The following ERC2 variants were observed in gnomAD, a reference collection of about 807,000 sequenced individuals.
The protein encoded by ERC2 is ERC protein 2.
A neutral mutation model predicts 114.8 loss-of-function variants in ERC2; 42 were observed. That is an observed-to-expected ratio of 0.37 (90% confidence interval 0.29 to 0.47). ERC2 has a LOEUF of 0.47. Among genes scored for constraint, ERC2 ranks in the 20% least tolerant of loss-of-function variants. The pLI is 0.99. For synonymous variants in ERC2, 454 were observed against 425.5 expected (o/e 1.07, Z -0.82); for missense variants, 939 against 1,150.7 (o/e 0.82, Z 2.66).
rs548090992 is a variant in ERC2, at chr3:55,694,345, G to A, written c.2847+5033C>T. Among the ~76,000 whole-genome samples, 4 of 152,284 alleles carry A rather than the reference G, an allele frequency of 2.6e-5. No homozygotes were observed. In the East Asian group the frequency reaches 5.8e-4, roughly 22 times the overall value. ...TACTATGGGAGCAGTTCATTCAACAGACATTTACAGAGTACCTCGTAAGGG... is the reference window on the plus strand; with the variant it reads ...TACTATGGGAGCAGTTCATTCAACAAACATTTACAGAGTACCTCGTAAGGG... On this transcript the variant is annotated intron_variant, in intron 16 of 17. Transcript: ENST00000288221.
At chr3:55,894,229 A>G (rs555158114) in intron 13 of ERC2, among the ~76,000 whole-genome samples, 4 of 152,338 alleles carry the variant, frequency 2.6e-5, no homozygotes, top group Non-Finnish European at 4.4e-5. Context: ...AAAGTTATAG[A>G]AATAAACTGG....
At chr3:55,573,468 C>T (rs374655320) in intron 17 of ERC2, among the ~76,000 whole-genome samples, 12 of 152,088 alleles carry the variant, frequency 7.9e-5, no homozygotes, top group African/African-American at 2.2e-4. Context: ...GCAACAGATG[C>T]GAGGGGGGCC....
chr3:56,187,858 C>T (rs1355195806), intron 3 of ERC2, among the ~76,000 whole-genome samples: 1 of 152,074 alleles, frequency 6.6e-6, no homozygotes, highest in Non-Finnish European at 1.5e-5. Flanking sequence ...AAGTGCAGTA[C>T]CAATTAAGAC....
chr3:56,432,000 G>A (rs1287281045), intron 2 of ERC2, among the ~76,000 whole-genome samples: 1 of 152,172 alleles, frequency 6.6e-6, no homozygotes, highest in African/African-American at 2.4e-5. Context: ...CGGTTAAGTG[G>A]AATTATGGAT....
intron 14 of ERC2, among the ~76,000 whole-genome samples, chr3:55,756,939 C>A (rs1318755363): frequency 1.3e-5 from 2 of 152,124 alleles, no homozygotes; most frequent in Non-Finnish European, 2.9e-5. Flanking sequence ...AAAAAGTATA[C>A]CCAAATCCAC....
intron 3 of ERC2, among the ~76,000 whole-genome samples, chr3:56,193,703 G>C (rs2047928973): frequency 6.6e-6 from 1 of 152,032 alleles, no homozygotes; most frequent in Non-Finnish European, 1.5e-5. Context: ...AAACTGATGA[G>C]ACCAGTACTA....
At chr3:56,192,171 G>A (rs907931440) in intron 3 of ERC2, among the ~76,000 whole-genome samples, 9 of 152,094 alleles carry the variant, frequency 5.9e-5, no homozygotes, top group African/African-American at 2.2e-4. Context: ...CATGAATATA[G>A]TTATGTCTCC....
At chr3:55,516,930 GA>G (rs762048860) in intron 17 of ERC2, among the ~76,000 whole-genome samples, 27 of 152,116 alleles carry the variant, frequency 1.8e-4, no homozygotes, top group Non-Finnish European at 3.1e-4. Flanking sequence ...ATGAGGAAAC[GA>G]AAGCTTAGAA....
intron 3 of ERC2, among the ~76,000 whole-genome samples, chr3:56,217,978 A>C (rs575425722): frequency 2.2e-4 from 34 of 152,330 alleles, no homozygotes; most frequent in Admixed American, 5.9e-4. Flanking sequence ...CACCTTATAC[A>C]AAAATTAATT....
chr3:56,096,169 T>C (rs2078052136), intron 6 of ERC2, among the ~76,000 whole-genome samples: 1 of 152,206 alleles, frequency 6.6e-6, no homozygotes, highest in Non-Finnish European at 1.5e-5. Context: ...TAGTGAAAAG[T>C]GACATAATTT....
chr3:55,676,766 G>A (rs1031053434), intron 17 of ERC2, among the ~76,000 whole-genome samples: 3 of 152,226 alleles, frequency 2.0e-5, no homozygotes, highest in South Asian at 2.1e-4. Flanking sequence ...TAAAGCAAAT[G>A]ACAAAAGGGT....
At chr3:55,562,725 G>T (rs566016280) in intron 17 of ERC2, among the ~76,000 whole-genome samples, 6 of 151,606 alleles carry the variant, frequency 4.0e-5, no homozygotes, top group African/African-American at 7.3e-5. Flanking sequence ...CCAGCTGCAC[G>T]GTCTTTTATG....
rs185391121 is a variant in ERC2, at chr3:56,270,717, T to C, written c.1074+25302A>G. Among the ~76,000 whole-genome samples the C allele has an allele frequency of 3.0e-4, 45 of 152,350 alleles. No homozygotes were observed. The East Asian group carries it at 3.5e-3, about 12-fold the overall frequency. ...GCCATGGGCAGGGCATGGTGGCTTATGCCTGTAATCCCAGCACTTTGGGAG... is the reference window on the plus strand; with the variant it reads ...GCCATGGGCAGGGCATGGTGGCTTACGCCTGTAATCCCAGCACTTTGGGAG... On this transcript the variant is annotated intron_variant, in intron 3 of 17. Transcript: ENST00000288221.
At chr3:56,267,460 C>T (rs895365938) in intron 3 of ERC2, among the ~76,000 whole-genome samples, 7 of 151,856 alleles carry the variant, frequency 4.6e-5, no homozygotes, top group South Asian at 4.2e-4. Flanking sequence ...TGGCAGGAAG[C>T]GGGGACAGTG....
intron 3 of ERC2, among the ~76,000 whole-genome samples, chr3:56,214,653 A>C (rs1162441930): frequency 3.9e-5 from 6 of 152,114 alleles, no homozygotes; most frequent in African/African-American, 1.4e-4. Flanking sequence ...CGCCACAAAG[A>C]TACTCCTCGA....
chr3:56,291,574 C>T (rs569816018), intron 3 of ERC2, among the ~76,000 whole-genome samples: 76 of 152,256 alleles, frequency 5.0e-4, no homozygotes, highest in African/African-American at 1.8e-3. Context: ...GGTCCACCAC[C>T]TCTGCCTAAG....
At position 56,081,003 on chromosome 3, in the gene ERC2, C is replaced by T. The variant is rs999386912; in HGVS notation, c.1474-19G>A. ...CATCTACCTGAAATCAGGAAAAAGA[C>T]AGAAGGTTGTGGTTTTACAGAAAGG... On this transcript the variant is annotated intron_variant, in intron 6 of 17. Transcript: ENST00000288221. 5.6e-6 allele frequency: 9 copies of T among 1,609,428 alleles called. No homozygotes were observed. Among genetic ancestry groups the T allele is most frequent in the Non-Finnish European group, 7.6e-6 (9 of 1,177,790 alleles).
At chr3:56,284,147 G>T (rs1218338526) in intron 3 of ERC2, among the ~76,000 whole-genome samples, 1 of 152,198 alleles carries the variant, frequency 6.6e-6, no homozygotes, top group East Asian at 1.9e-4. Context: ...GAGAAGATTT[G>T]GGGTGAGTGG....
rs146018466 is a variant in ERC2 at position 56,369,667 on chromosome 3, C to T, written c.657+64684G>A. 1.1e-3 allele frequency among the ~76,000 whole-genome samples: 170 copies of T among 152,000 alleles called. 1 individual carries two copies. The highest frequency in any genetic ancestry group is 4.0e-3 in the African/African-American group (167 of 41,460). Reference sequence around the variant, plus strand: ...TTTTGTCCTGTATCTCCATGAGCACCTACTGGATACTACTTTTTTTTTTTT... The same window carrying T: ...TTTTGTCCTGTATCTCCATGAGCACTTACTGGATACTACTTTTTTTTTTTT... On this transcript the variant is annotated intron_variant, in intron 2 of 17. Coordinates refer to ENST00000288221, the MANE Select transcript of ERC2 (RefSeq NM_015576.3).
Sources: allele counts gnomAD v4.1 joint callset (sites outside exome capture counted in the v4.1 genomes callset), GRCh38; gene constraint gnomAD v4.1.1; transcripts MANE v1.5; gene names NCBI Gene and HGNC (gene_info 2026-07-23, HGNC 2026-07-21).